The following DAB1 variants were observed in gnomAD, a reference collection of about 807,000 sequenced individuals.
DAB1 encodes the protein DAB adaptor protein 1, also known as disabled homolog 1.
In DAB1, 15 loss-of-function variants were observed where a neutral mutation model predicts 64.6. That is an observed-to-expected ratio of 0.23 (90% CI 0.16 to 0.36). DAB1 has a LOEUF of 0.36. Among genes scored for constraint, DAB1 ranks in the 10% least tolerant of loss-of-function variants. The pLI is 1.00. For synonymous variants in DAB1, 235 were observed against 251.9 expected, an observed-to-expected ratio of 0.93 and a Z score of 0.64; for missense variants, 596 against 706.7, an observed-to-expected ratio of 0.84 and a Z score of 1.78.
At chr1:58,088,750 G>A (rs1053244944) in intron 5 of DAB1, among the ~76,000 whole-genome samples, 2 of 152,134 alleles carry the variant, frequency 1.3e-5, no homozygotes, top group Non-Finnish European at 2.9e-5. Context: ...TTAGGAAAGG[G>A]TGTCAAATAA....
chr1:57,729,045 T>G (rs1056485866), intron 6 of DAB1, among the ~76,000 whole-genome samples: 2 of 152,232 alleles, frequency 1.3e-5, no homozygotes, highest in African/African-American at 4.8e-5. Flanking sequence ...TTTTCCAGAA[T>G]TAATGAAGTA....
At chr1:57,055,175 C>T (rs927368369) in intron 9 of DAB1, among the ~76,000 whole-genome samples, 4 of 152,190 alleles carry the variant, frequency 2.6e-5, no homozygotes, top group African/African-American at 9.7e-5. Flanking sequence ...AGAAGTTAGT[C>T]CCTGTGCCAA....
intron 1 of DAB1, among the ~76,000 whole-genome samples, chr1:57,846,426 C>T (rs1385092253): frequency 2.7e-5 from 4 of 149,472 alleles, no homozygotes; most frequent in African/African-American, 9.9e-5. Flanking sequence ...CCACTGCACT[C>T]CAGCCTGGGC....
intron 1 of DAB1, among the ~76,000 whole-genome samples, chr1:57,421,089 A>AT (rs1294716594): frequency 6.6e-6 from 1 of 152,172 alleles, no homozygotes; most frequent in Non-Finnish European, 1.5e-5. Context: ...ACCAAATGCA[A>AT]TTTTTTAGAT....
chr1:57,929,641 T>C lies in DAB1; in HGVS notation n.388-45479A>G, dbSNP rs539003700. 3.0e-4 allele frequency among the ~76,000 whole-genome samples: 45 copies of C among 152,320 alleles called. 2 individuals carry two copies. The South Asian group carries it at 8.7e-3, about 29-fold the overall frequency. ...AACAGGTTTAGTTAGCCCATAGTTC[T>C]ACAAGTCATATGGGAAAGATGGTGT... On this transcript the variant is annotated intron_variant and non_coding_transcript_variant, in intron 5 of 20. Transcript: ENST00000485760.
intron 6 of DAB1, among the ~76,000 whole-genome samples, chr1:57,776,102 AGT>A (rs1433383793): frequency 6.6e-6 from 1 of 151,606 alleles, no homozygotes; most frequent in Non-Finnish European, 1.5e-5. Context: ...TTATGTTGAA[AGT>A]GTGTTTCTTG....
chr1:57,773,987 G>A (rs1316752676), intron 6 of DAB1, among the ~76,000 whole-genome samples: 1 of 151,870 alleles, frequency 6.6e-6, no homozygotes, highest in Non-Finnish European at 1.5e-5. Context: ...TAGGTCTTTT[G>A]CATTTTTCAT....
intron 4 of DAB1, among the ~76,000 whole-genome samples, chr1:58,336,013 T>C (rs529535383): frequency 3.7e-4 from 56 of 152,272 alleles, no homozygotes; most frequent in African/African-American, 1.3e-3. Flanking sequence ...AGCACTTAGA[T>C]GTGTTTAAAG....
At chr1:58,149,225 T>C (rs1298650661) in intron 5 of DAB1, among the ~76,000 whole-genome samples, 1 of 152,144 alleles carries the variant, frequency 6.6e-6, no homozygotes, top group Non-Finnish European at 1.5e-5. Context: ...ATGATAGGTA[T>C]GAACAAAAAA....
At chr1:58,264,210 A>G (rs1380288778) in intron 4 of DAB1, among the ~76,000 whole-genome samples, 2 of 152,234 alleles carry the variant, frequency 1.3e-5, no homozygotes, top group Non-Finnish European at 2.9e-5. Flanking sequence ...AAAATGACAT[A>G]AAGTGCTCAG....
chr1:57,516,830 C>G (rs1049438797), intron 7 of DAB1, among the ~76,000 whole-genome samples: 1 of 152,178 alleles, frequency 6.6e-6, no homozygotes, highest in African/African-American at 2.4e-5. Context: ...TATTGAAATG[C>G]TACCCCCACT....
At chr1:57,739,870 A>T (rs1350483171) in intron 6 of DAB1, among the ~76,000 whole-genome samples, 1 of 151,926 alleles carries the variant, frequency 6.6e-6, no homozygotes, top group Non-Finnish European at 1.5e-5. Context: ...TTTTTGTAGC[A>T]TGCATTATAA....
At chr1:58,020,778 G>A (rs559462540) in intron 5 of DAB1, among the ~76,000 whole-genome samples, 6 of 152,198 alleles carry the variant, frequency 3.9e-5, no homozygotes, top group Admixed American at 1.3e-4. Flanking sequence ...CGAAGTGGGC[G>A]GATTACTTGA....
intron 1 of DAB1, chr1:57,864,597 A>AAGTTACTT (rs1654209529): frequency 3.3e-5 from 5 of 151,994 alleles, no homozygotes; most frequent in Admixed American, 3.3e-4. Context: ...GATTGGGGGT[A>AAGTTACTT]AGTTACTTAA....
chr1:57,333,869 G>A (rs916888864), intron 1 of DAB1, among the ~76,000 whole-genome samples: 5 of 152,122 alleles, frequency 3.3e-5, no homozygotes, highest in African/African-American at 9.7e-5. Flanking sequence ...ATAAGTGAAC[G>A]TCTACTCCAA....
intron 6 of DAB1, among the ~76,000 whole-genome samples, chr1:57,734,345 T>A (rs1239864655): frequency 6.6e-6 from 1 of 152,228 alleles, no homozygotes; most frequent in Non-Finnish European, 1.5e-5. Flanking sequence ...GGCAAACCTC[T>A]TAAGCTCTCT....
At chr1:57,238,895 C>CACACACA (rs1558002698) in intron 2 of DAB1, among the ~76,000 whole-genome samples, 53 of 124,766 alleles carry the variant, frequency 4.2e-4, no homozygotes, top group African/African-American at 1.4e-3. Context: ...ACACACACAC[C>CACACACA]CCTAACTTGA....
intron 5 of DAB1, among the ~76,000 whole-genome samples, chr1:58,041,033 G>A (rs1016461484): frequency 6.6e-6 from 1 of 152,164 alleles, no homozygotes; most frequent in Non-Finnish European, 1.5e-5. Flanking sequence ...AGCTACACTG[G>A]TCTCTAGCTC....
At chr1:57,698,262 AT>A (rs71051246) in intron 6 of DAB1, among the ~76,000 whole-genome samples, 1,842 of 138,800 alleles carry the variant, frequency 0.013, 27 homozygotes, top group African/African-American at 0.039. Flanking sequence ...ACTTTTAAAC[AT>A]TTTTTTTTTT....
Sources: allele counts gnomAD v4.1 joint callset (sites outside exome capture counted in the v4.1 genomes callset), GRCh38; gene constraint gnomAD v4.1.1; transcripts MANE v1.5; gene names NCBI Gene and HGNC (gene_info 2026-07-23, HGNC 2026-07-21).